Variants in CEP57L1 observed in about 807,000 individuals in gnomAD.
The protein encoded by CEP57L1 is centrosomal protein CEP57L1.
A neutral mutation model predicts 61.0 loss-of-function variants in CEP57L1; 37 were observed. The ratio of observed to expected loss-of-function variants is 0.61; its 90% CI spans 0.47 to 0.80. The LOEUF (loss-of-function observed/expected upper bound fraction) is 0.80, where lower values mean the gene tolerates loss of function less well. Ranked by LOEUF, CEP57L1 falls within the 30% of genes least tolerant of loss-of-function variation. The pLI, the probability that CEP57L1 is intolerant of heterozygous loss-of-function variation, is 0.00. For synonymous variants in CEP57L1, 137 were observed against 162.3 expected (o/e 0.84, Z 1.19); for missense variants, 422 against 524.7 (o/e 0.80, Z 1.91).
At chr6:109,130,302 A>T (rs1311550394) in intron 1 of CEP57L1, among the ~76,000 whole-genome samples, 1 of 152,168 alleles carries the variant, frequency 6.6e-6, no homozygotes, top group African/African-American at 2.4e-5. Flanking sequence ...CACATATATG[A>T]CAAACTTACA....
intron 1 of CEP57L1, among the ~76,000 whole-genome samples, chr6:109,122,868 A>G (rs758749243): frequency 6.6e-5 from 10 of 152,142 alleles, no homozygotes; most frequent in Non-Finnish European, 1.3e-4. Flanking sequence ...CTTCTTCAGA[A>G]TTTGCTTACT....
chr6:109,124,436 G>A (rs1437623614), intron 1 of CEP57L1, among the ~76,000 whole-genome samples: 2 of 152,142 alleles, frequency 1.3e-5, no homozygotes, highest in African/African-American at 4.8e-5. Flanking sequence ...ATATAGTGTG[G>A]TGATTTAGAA....
chr6:109,155,799 TG>T lies in CEP57L1; in HGVS notation c.668del (p.Gly223AspfsTer8), dbSNP rs1562139860. On this transcript the variant is annotated frameshift_variant, in exon 7 of 11. Coordinates refer to ENST00000517392, the MANE Select transcript of CEP57L1 (RefSeq NM_001271852.3). LOFTEE classifies it high-confidence loss of function. ...FQDKASELQT[G>X]LEISKIIMSS... ...TTTTTTAAATATTACAGCTTCAAAC[TG>T]GACTTGAAATCAGTAAAATTATAAT... 4 of 1,530,588 alleles carry T rather than the reference TG, an allele frequency of 2.6e-6. No homozygotes were observed. The highest frequency in any genetic ancestry group is 3.6e-6 in the Non-Finnish European group (4 of 1,112,346). 94.8% of individuals were successfully genotyped at this position (1,530,588 alleles called of 1,614,324 possible). A position where few individuals can be genotyped will look rare whatever the true frequency, so the allele number is the denominator to read the frequency against.
intron 7 of CEP57L1, chr6:109,158,785 C>T (rs1773455011): frequency 3.6e-6 from 2 of 553,790 alleles, no homozygotes; most frequent in Admixed American, 2.9e-5. Context: ...TTATTTTGGC[C>T]ATTCTGATAG....
In CEP57L1 at chr6:109,139,265, C is replaced by T. The variant is rs750777390; in HGVS notation, c.-3-5954C>T. ...GATTTCATCATCATGGTATTCAGAA[C>T]GGAGCACAATTTAAAACTTATGAAT... On this transcript the variant is annotated intron_variant, in intron 1 of 10. Coordinates refer to ENST00000517392, the MANE Select transcript of CEP57L1 (RefSeq NM_001271852.3). 9.2e-5 allele frequency among the ~76,000 whole-genome samples: 14 copies of T among 152,170 alleles called. 1 individual carries two copies. The South Asian group carries it at 1.0e-3, about 11-fold the overall frequency.
intron 7 of CEP57L1, chr6:109,158,143 G>A (rs571463639): frequency 6.5e-6 from 1 of 153,098 alleles, no homozygotes; most frequent in East Asian, 1.9e-4. Flanking sequence ...TTTTATTTCT[G>A]TGTGGTATTC....
At chr6:109,112,810 TTG>T (rs1771819926) in intron 1 of CEP57L1, among the ~76,000 whole-genome samples, 3 of 152,224 alleles carry the variant, frequency 2.0e-5, no homozygotes, top group Admixed American at 2.0e-4. Context: ...TTCCATGTAG[TTG>T]TGCAGTTCTG....
At chr6:109,114,819 T>C (rs959016042) in intron 1 of CEP57L1, among the ~76,000 whole-genome samples, 41 of 152,234 alleles carry the variant, frequency 2.7e-4, no homozygotes, top group African/African-American at 9.4e-4. Context: ...ATAGTTATTA[T>C]ATTTCAAAAT....
Position 109,159,252 on chromosome 6 carries a change from T to G in CEP57L1, c.823-17T>G. ...GCAAGCTGTTCTGTGAATGCAAGTA[T>G]GCAAAACTTTTTGCAGATGAGGCAA... On this transcript the variant is annotated splice_polypyrimidine_tract_variant and intron_variant, in intron 8 of 10. Coordinates refer to ENST00000517392, the MANE Select transcript of CEP57L1 (RefSeq NM_001271852.3). The G allele has an allele frequency of 6.2e-7, 1 of 1,614,152 alleles. No individual in the cohort carries two copies. Among genetic ancestry groups the G allele is most frequent in the Non-Finnish European group, 8.5e-7 (1 of 1,179,998 alleles).
At chr6:109,140,809 C>A (rs1771280077) in intron 1 of CEP57L1, 1 of 151,960 alleles carries the variant, frequency 6.6e-6, no homozygotes, top group African/African-American at 2.4e-5. Context: ...TCACTGATTT[C>A]TTAAAATAAT....
intron 1 of CEP57L1, among the ~76,000 whole-genome samples, chr6:109,133,597 A>T (rs1226763367): frequency 6.6e-6 from 1 of 152,060 alleles, no homozygotes. Context: ...GACACAAAAA[A>T]ACCCTTCAAA....
intron 1 of CEP57L1, among the ~76,000 whole-genome samples, chr6:109,128,920 C>G (rs551118478): frequency 8.5e-5 from 13 of 152,224 alleles, no homozygotes; most frequent in African/African-American, 3.1e-4. Flanking sequence ...AACTGAAGGC[C>G]GGGCACAGTG....
rs927453112 is a variant in CEP57L1 at position 109,169,306 on chromosome 6, C to T, written c.*6336C>T. On this transcript the variant is annotated 3_prime_UTR_variant, in exon 11 of 11. Coordinates refer to ENST00000517392, the MANE Select transcript of CEP57L1 (RefSeq NM_001271852.3). ...TATGTTTTGTGAAACTTTGTGAGTA[C>T]GGGTTGTCATTTTTAATGTAGCCCT... is the stretch of plus-strand genomic sequence containing the variant. 5.3e-5 allele frequency among the ~76,000 whole-genome samples: 8 copies of T among 149,744 alleles called. No individual in the cohort carries two copies. Among genetic ancestry groups the T allele is most frequent in the Admixed American group, 2.0e-4 (3 of 15,006 alleles).
intron 1 of CEP57L1, among the ~76,000 whole-genome samples, chr6:109,111,557 A>G (rs569832903): frequency 6.6e-6 from 1 of 152,166 alleles, no homozygotes; most frequent in South Asian, 2.1e-4. Context: ...TTCCAATACT[A>G]TGTTGGATAG....
chr6:109,144,864 C>T (rs1168267315), intron 1 of CEP57L1, among the ~76,000 whole-genome samples: 1 of 151,928 alleles, frequency 6.6e-6, no homozygotes, highest in Non-Finnish European at 1.5e-5. Context: ...TATGTACTTT[C>T]TCTTTAAATC....
upstream of CEP57L1, chr6:109,095,354 G>T: frequency 1.0e-6 from 1 of 985,952 alleles, no homozygotes; most frequent in Non-Finnish European, 1.2e-6. Flanking sequence ...CTACATTTAA[G>T]ATCACCCTAA....
intron 2 of CEP57L1, among the ~76,000 whole-genome samples, chr6:109,146,514 T>G (rs953921234): frequency 4.6e-5 from 7 of 152,054 alleles, no homozygotes. Flanking sequence ...GTTATTACCT[T>G]TCTCAGTCTT....
chr6:109,128,238 C>G (rs1724034560), intron 1 of CEP57L1, among the ~76,000 whole-genome samples: 1 of 152,168 alleles, frequency 6.6e-6, no homozygotes, highest in African/African-American at 2.4e-5. Flanking sequence ...CATTATTTCC[C>G]TAAGACTTGT....
At position 109,145,454 on chromosome 6, in the gene CEP57L1, A is replaced by G. The variant is rs538905400; in HGVS notation, c.160+73A>G. On this transcript the variant is annotated intron_variant, in intron 2 of 10. Transcript: ENST00000517392. ...AACTTTTCATATTTATGTGGAATAC[A>G]ATATGATTGCATATTTAATCTTAAC... 61 of 1,003,678 alleles carry G rather than the reference A, an allele frequency of 6.1e-5. No homozygotes were observed. In the South Asian group the frequency reaches 1.4e-3, roughly 22 times the overall value. The allele number at this position is 1,003,678 out of a possible 1,614,324, so 62.2% of individuals were successfully genotyped here.
Sources: gnomAD v4.1 joint callset for allele counts (sites outside exome capture counted in the v4.1 genomes callset) on GRCh38, gnomAD v4.1.1 for gene constraint, MANE v1.5 for transcripts, NCBI Gene and HGNC (gene_info 2026-07-23, HGNC 2026-07-21) for gene names.